SGK3: variants seen among roughly 807,000 people sequenced by gnomAD.
SGK3 encodes the protein serum/glucocorticoid regulated kinase family member 3.
Under a neutral mutation model 68.5 loss-of-function variants are expected in SGK3, and 47 were observed. That is an observed-to-expected ratio of 0.69 (90% CI 0.54 to 0.87). The LOEUF (loss-of-function observed/expected upper bound fraction) is 0.87, where lower values mean the gene tolerates loss of function less well. Ranked by LOEUF, SGK3 falls within the 40% of genes least tolerant of loss-of-function variation. The pLI is 0.00. For missense variants in SGK3, 479 were observed against 575.5 expected, an observed-to-expected ratio of 0.83 and a Z score of 1.72; for synonymous variants, 181 against 189.1, an observed-to-expected ratio of 0.96 and a Z score of 0.35.
At chr8:66,831,182 G>T in intron 7 of SGK3, 72 bp from the exon 8 acceptor site, 2 of 1,549,774 alleles carry the variant, frequency 1.3e-6, no homozygotes, top group Non-Finnish European at 1.8e-6. Flanking sequence ...AAAGAGGGAG[G>T]TGCTAAGAAA....
chr8:66,750,322 T>C (rs923549978), intron 1 of SGK3, among the ~76,000 whole-genome samples: 50 of 152,070 alleles, frequency 3.3e-4, no homozygotes, highest in Non-Finnish European at 4.3e-4. Context: ...CATCGCTCAC[T>C]TTAAAAATGT....
At chr8:66,767,550 C>T in intron 1 of SGK3, 1 of 1,497,708 alleles carries the variant, frequency 6.7e-7, no homozygotes, top group Non-Finnish European at 9.3e-7. Context: ...CAAGCTCTCT[C>T]TCCTCATCAA....
chr8:66,832,061 C>T (rs1009473398), intron 8 of SGK3, among the ~76,000 whole-genome samples: 1 of 152,110 alleles, frequency 6.6e-6, no homozygotes, highest in Non-Finnish European at 1.5e-5. Context: ...TTCCCACTTA[C>T]ATAGCTTCTC....
intron 1 of SGK3, among the ~76,000 whole-genome samples, chr8:66,756,052 A>G (rs1805964135): frequency 6.6e-6 from 1 of 152,144 alleles, no homozygotes; most frequent in South Asian, 2.1e-4. Flanking sequence ...TAAAGAGGTA[A>G]TAAAGTTAAC....
chr8:66,782,577 C>G (rs548269086), intron 1 of SGK3, among the ~76,000 whole-genome samples: 1 of 152,308 alleles, frequency 6.6e-6, no homozygotes, highest in South Asian at 2.1e-4. Context: ...ATGTGTCCAT[C>G]ATTATAGTGT....
chr8:66,803,569 AT>A (rs1808037831), intron 3 of SGK3, among the ~76,000 whole-genome samples: 1 of 152,106 alleles, frequency 6.6e-6, no homozygotes, highest in South Asian at 2.1e-4. Flanking sequence ...ACTCATTTTT[AT>A]GACTTAACTG....
In SGK3 at chr8:66,760,048, TTTAA is replaced by T. The variant is rs1300486219; in HGVS notation, c.-121-33564_-121-33561del. ...GATGCATGCAAGGCTTTGTAATTTC[TTTAA>T]TTAGTCATTTGGAAAATATTGGTTC... On this transcript the variant is annotated intron_variant, in intron 1 of 16. Transcript: ENST00000521198. Among the ~76,000 whole-genome samples, 19 of 152,336 alleles carry T rather than the reference TTTAA, an allele frequency of 1.2e-4. 1 individual carries two copies. The highest frequency in any genetic ancestry group is 4.1e-4 in the African/African-American group (17 of 41,576).
At chr8:66,786,645 T>C (rs1807210920) in intron 1 of SGK3, among the ~76,000 whole-genome samples, 1 of 152,210 alleles carries the variant, frequency 6.6e-6, no homozygotes, top group African/African-American at 2.4e-5. Flanking sequence ...ATTTAACCGC[T>C]TTATGTTTTT....
chr8:66,839,535 A>ATATATG (rs1563654578), intron 10 of SGK3, among the ~76,000 whole-genome samples: 1 of 76,960 alleles, frequency 1.3e-5, no homozygotes, highest in African/African-American at 5.6e-5. Context: ...ATATATATAT[A>ATATATG]TATATATATA....
At chr8:66,849,466 C>G (rs1286554056) in intron 15 of SGK3, among the ~76,000 whole-genome samples, 1 of 152,172 alleles carries the variant, frequency 6.6e-6, no homozygotes, top group Non-Finnish European at 1.5e-5. Flanking sequence ...TCTAGCCCCA[C>G]TGCTACTACT....
intron 6 of SGK3, among the ~76,000 whole-genome samples, chr8:66,825,257 A>G (rs1057292697): frequency 2.4e-4 from 36 of 152,156 alleles, no homozygotes; most frequent in African/African-American, 8.2e-4. Context: ...TTTAAAATAC[A>G]GATAAAAAGA....
At position 66,766,910 on chromosome 8, in the gene SGK3, G is replaced by T. The variant is rs1440758588; in HGVS notation, c.-121-26706G>T. Among the ~76,000 whole-genome samples the T allele has an allele frequency of 2.0e-5, 3 of 152,170 alleles. No individual in the cohort carries two copies. In the East Asian group the frequency reaches 5.8e-4, roughly 29 times the overall value. Reference sequence around the variant, plus strand: ...CTTGTTGCCTAGGCTGGAGTGCAGTGGCGCGATCTCCGCCCACCGCAATCT... The same window carrying T: ...CTTGTTGCCTAGGCTGGAGTGCAGTTGCGCGATCTCCGCCCACCGCAATCT... On this transcript the variant is annotated intron_variant, in intron 1 of 16. Transcript: ENST00000521198.
At chr8:66,804,131 G>C (rs1808060730) in intron 3 of SGK3, among the ~76,000 whole-genome samples, 1 of 152,120 alleles carries the variant, frequency 6.6e-6, no homozygotes, top group Non-Finnish European at 1.5e-5. Context: ...AGGAAAATGA[G>C]ACGCAGATGT....
At chr8:66,736,680 C>T (rs907949995) in intron 1 of SGK3, among the ~76,000 whole-genome samples, 16 of 151,174 alleles carry the variant, frequency 1.1e-4, no homozygotes, top group Non-Finnish European at 2.1e-4. Flanking sequence ...AGTGCAATGG[C>T]GCAATCTCAG....
chr8:66,749,524 G>T (rs73691574), intron 1 of SGK3, among the ~76,000 whole-genome samples: 3,125 of 152,240 alleles, frequency 0.021, 116 homozygotes, highest in African/African-American at 0.07. Flanking sequence ...ATCTATTGGT[G>T]AATGTGAGCA....
intron 10 of SGK3, 73 bp from the exon 11 acceptor site, chr8:66,839,930 T>C (rs777566212): frequency 3.4e-5 from 46 of 1,339,330 alleles, no homozygotes; most frequent in Non-Finnish European, 4.6e-5. Context: ...ATTTACCGAA[T>C]ATATTTGTTT....
Position 66,804,327 on chromosome 8 carries a change from G to T in SGK3, c.181-48G>T, listed in dbSNP as rs764883155. The T allele has an allele frequency of 5.9e-6, 9 of 1,521,866 alleles. No individual in the cohort carries two copies. In the Admixed American group the frequency reaches 1.6e-4, roughly 27 times the overall value. 94.3% of individuals were successfully genotyped at this position (1,521,866 alleles called of 1,614,324 possible). ...TTTGGCTTTGATGTGTGCATAACTA[G>T]AAGACTTATAAAATTAGTTCATATA... On this transcript the variant is annotated intron_variant, in intron 3 of 16. Transcript: ENST00000521198.
At chr8:66,821,159 G>T (rs529028749) in intron 5 of SGK3, among the ~76,000 whole-genome samples, 1 of 151,948 alleles carries the variant, frequency 6.6e-6, no homozygotes, top group Non-Finnish European at 1.5e-5. Flanking sequence ...TCCATCTGTG[G>T]GCCATCTCTA....
chr8:66,814,059 G>A, intron 5 of SGK3, 131 bp downstream of exon 5: 2 of 623,968 alleles, frequency 3.2e-6, no homozygotes, highest in Non-Finnish European at 4.8e-6. Flanking sequence ...TCTTCTTTGA[G>A]CATTTTCTCC....
Sources: gnomAD v4.1 joint callset for allele counts (sites outside exome capture counted in the v4.1 genomes callset) on GRCh38, gnomAD v4.1.1 for gene constraint, MANE v1.5 for transcripts, NCBI Gene and HGNC (gene_info 2026-07-23, HGNC 2026-07-21) for gene names.